DOP1B: variants seen among roughly 807,000 people sequenced by gnomAD.
The protein encoded by DOP1B is protein DOP1B.
Under a neutral mutation model 233.5 loss-of-function variants are expected in DOP1B, and 174 were observed. The observed-to-expected ratio is 0.75, with a 90% CI of 0.66 to 0.85. The LOEUF (loss-of-function observed/expected upper bound fraction) is 0.85. Among genes scored for constraint, DOP1B ranks in the 40% least tolerant of loss-of-function variants. The pLI is 0.00. For synonymous variants in DOP1B, 1,190 were observed against 1,185.6 expected, an observed-to-expected ratio of 1.00 and a Z score of -0.08; for missense variants, 2,652 against 2,846.6, an observed-to-expected ratio of 0.93 and a Z score of 1.56.
At position 36,232,907 on chromosome 21, in the gene DOP1B, G is replaced by T; in HGVS notation, c.2454G>T (p.Leu818=). The stretch of plus-strand genomic sequence containing the variant: ...AGAACGTGGCCATTTCCACTCTGCT[G>T]GAAGTGATAAACCATTCCCAGTCCC... ...YLQNVAISTL[L]EVINHSQSLA... Residue 818 remains leucine (L), a synonymous_variant, in exon 15 of 37, where the codon CTG becomes CTT. Transcript: ENST00000691173. 6.2e-7 allele frequency: 1 copy of T among 1,614,074 alleles called. No homozygotes were observed. Among genetic ancestry groups the T allele is most frequent in the South Asian group, 1.1e-5 (1 of 91,088 alleles).
chr21:36,169,655 T>G, intron 2 of DOP1B: 1 of 909,970 alleles, frequency 1.1e-6, no homozygotes, highest in Non-Finnish European at 1.8e-6. Flanking sequence ...CTGGGCCTTC[T>G]TCTGGCGCAG....
chr21:36,214,622 A>G (rs2066539751), intron 9 of DOP1B, 66 bp downstream of exon 9: 2 of 1,340,822 alleles, frequency 1.5e-6, no homozygotes, highest in Non-Finnish European at 2.1e-6. Context: ...GGGAAATACA[A>G]CATGGTGAGA....
intron 13 of DOP1B, among the ~76,000 whole-genome samples, chr21:36,229,434 G>A (rs567204776): frequency 1.1e-4 from 17 of 152,190 alleles, no homozygotes; most frequent in Non-Finnish European, 1.9e-4. Context: ...TCACTTGGCT[G>A]TCAACCTGTG....
intron 9 of DOP1B, among the ~76,000 whole-genome samples, chr21:36,218,446 C>T (rs2066585667): frequency 6.6e-6 from 1 of 152,060 alleles, no homozygotes; most frequent in Admixed American, 6.6e-5. Flanking sequence ...TTGCTTGAAC[C>T]CGGGAGGCGG....
chr21:36,214,212 G>A, intron 8 of DOP1B, 22 bp downstream of exon 8: 2 of 1,580,404 alleles, frequency 1.3e-6, no homozygotes, highest in Non-Finnish European at 1.7e-6. Context: ...TTTCCGGAAA[G>A]TTCAGGGTAT....
chr21:36,283,391 C>T (rs1464739121), intron 32 of DOP1B, among the ~76,000 whole-genome samples: 4 of 151,432 alleles, frequency 2.6e-5, no homozygotes, highest in African/African-American at 9.7e-5. Flanking sequence ...CCGGAAAGAT[C>T]TTGTTTTAGT....
In DOP1B at chr21:36,208,822, C is replaced by T; in HGVS notation, c.599C>T (p.Ser200Leu). 11 of 1,604,780 alleles carry T rather than the reference C, an allele frequency of 6.9e-6. No individual in the cohort carries two copies. Among genetic ancestry groups the T allele is most frequent in the Non-Finnish European group, 9.4e-6 (11 of 1,175,522 alleles). Reference sequence around the variant, plus strand: ...AGCCCGTCCATCCGCCTCCCTGCCTCAGTCTTCGTGGTGGGCCACATCAAC... The same window carrying T: ...AGCCCGTCCATCCGCCTCCCTGCCTTAGTCTTCGTGGTGGGCCACATCAAC... ...LASPSIRLPA[S>L]VFVVGHINRD... The change falls in exon 5 of 37, where the codon TCA (serine) becomes TTA (leucine). Residue 200 changes from serine (S) to leucine (L), a missense_variant. Around this residue, in one of 3 missense-constraint regions of DOP1B, gnomAD observed 2,617 missense variants for 2,794.3 expected, o/e 0.94. Coordinates refer to ENST00000691173, the MANE Select transcript of DOP1B (RefSeq NM_001320714.2).
chr21:36,165,930 T>C (rs1468785505), intron 2 of DOP1B, among the ~76,000 whole-genome samples: 1 of 150,900 alleles, frequency 6.6e-6, no homozygotes, highest in Non-Finnish European at 1.5e-5. Context: ...TTGGCCAGGC[T>C]GGTCTCGAAC....
At chr21:36,207,499 GTTTTTTT>G (rs1164791099) in intron 4 of DOP1B, among the ~76,000 whole-genome samples, 2 of 89,622 alleles carry the variant, frequency 2.2e-5, no homozygotes, top group East Asian at 3.9e-4. Flanking sequence ...AGTTTTTTTT[GTTTTTTT>G]TTTTTTTTTT....
In DOP1B at chr21:36,246,371, A is replaced by G. The variant is rs967906443; in HGVS notation, c.4391A>G (p.Asn1464Ser). 1.2e-6 allele frequency: 2 copies of G among 1,613,362 alleles called. No individual in the cohort carries two copies. Among genetic ancestry groups the G allele is most frequent in the African/African-American group, 2.7e-5 (2 of 74,996 alleles). Reference protein sequence around the residue: ...HLGRAHEEAENQPDLSREWQR... With the variant: ...HLGRAHEEAESQPDLSREWQR... ...GGTCGGGCCCATGAGGAGGCGGAAA[A>G]CCAGCCCGACCTGTCCCGGGAGTGG... Residue 1464 changes from asparagine (N) to serine (S), a missense_variant, in exon 19 of 37, where the codon AAC (asparagine) becomes AGC (serine). Coordinates refer to ENST00000691173, the MANE Select transcript of DOP1B (RefSeq NM_001320714.2). This position sits in a 1 kb window ranked among gnomAD's most constrained non-coding sequence, Gnocchi z 5.1.
In DOP1B at chr21:36,246,440, A is replaced by G; in HGVS notation, c.4460A>G (p.Tyr1487Cys). Residue 1487 changes from tyrosine (Y) to cysteine (C), a missense_variant, in exon 19 of 37, where the codon TAC becomes TGC. Tyr to Cys is a radical substitution (Grantham distance 194, BLOSUM62 -2). Around this residue, in one of 3 missense-constraint regions of DOP1B, gnomAD observed 2,617 missense variants for 2,794.3 expected, o/e 0.94. Coordinates refer to ENST00000691173, the MANE Select transcript of DOP1B (RefSeq NM_001320714.2). The surrounding 1 kb of genome is among the most constrained non-coding windows in gnomAD (Gnocchi z 5.1). ...CAGCAGGCCATCAGCGCCCTGCAGT[A>G]CGTGCAGCCCCACCCCCTCACCTCC... ...NFQQAISALQ[Y>C]VQPHPLTSQG... 1 of 1,613,716 alleles carries G rather than the reference A, an allele frequency of 6.2e-7. No homozygotes were observed. The highest frequency in any genetic ancestry group is 8.5e-7 in the Non-Finnish European group (1 of 1,179,900).
At chr21:36,215,154 T>C (rs918479346) in intron 9 of DOP1B, among the ~76,000 whole-genome samples, 1 of 152,238 alleles carries the variant, frequency 6.6e-6, no homozygotes, top group South Asian at 2.1e-4. Flanking sequence ...ATTTTTTCAA[T>C]GTCATACTTA....
chr21:36,215,070 A>G (rs2066543821), intron 9 of DOP1B, among the ~76,000 whole-genome samples: 1 of 152,190 alleles, frequency 6.6e-6, no homozygotes, highest in African/African-American at 2.4e-5. Flanking sequence ...AATAATTTGA[A>G]CATTTTTTGT....
At chr21:36,259,445 G>T (rs2067144954) in intron 23 of DOP1B, among the ~76,000 whole-genome samples, 3 of 151,586 alleles carry the variant, frequency 2.0e-5, no homozygotes, top group Admixed American at 6.6e-5. Context: ...TAATTTTTTT[G>T]TATTTTTAGT....
At chr21:36,291,683 C>G (rs925851740) in intron 35 of DOP1B, among the ~76,000 whole-genome samples, 1 of 152,188 alleles carries the variant, frequency 6.6e-6, no homozygotes, top group Admixed American at 6.6e-5. Context: ...GTGACATATC[C>G]ATACAGTGGA....
chr21:36,195,444 G>C lies in DOP1B; in HGVS notation c.139-3626G>C, dbSNP rs111452068. On this transcript the variant is annotated intron_variant, in intron 2 of 36. Coordinates refer to ENST00000691173, the MANE Select transcript of DOP1B (RefSeq NM_001320714.2). ...GGCTACTCAGGAGACTGAGGTGGGAGGATTGCTTAAGCCTGGGAGTTAGAG... is the reference window on the plus strand; with the variant it reads ...GGCTACTCAGGAGACTGAGGTGGGACGATTGCTTAAGCCTGGGAGTTAGAG... Among the ~76,000 whole-genome samples, 1,440 of 147,764 alleles carry C rather than the reference G, an allele frequency of 9.7e-3. 17 individuals are homozygous for C. Among genetic ancestry groups the C allele is most frequent in the African/African-American group, 0.033 (1,369 of 41,298 alleles).
At chr21:36,224,823 T>C (rs1475854492) in intron 11 of DOP1B, among the ~76,000 whole-genome samples, 2 of 151,854 alleles carry the variant, frequency 1.3e-5, no homozygotes, top group African/African-American at 4.8e-5. Flanking sequence ...GCTGAAACTT[T>C]CTAGGCAACT....
In DOP1B at chr21:36,245,425, C is replaced by T. The variant is rs146069450; in HGVS notation, c.3445C>T (p.Pro1149Ser). The T allele has an allele frequency of 9.7e-4, 1,573 of 1,614,022 alleles. 3 individuals are homozygous for T. The highest frequency in any genetic ancestry group is 1.2e-3 in the Non-Finnish European group (1,456 of 1,180,020). Residue 1149 changes from proline (P) to serine (S), a missense_variant, in exon 19 of 37, where the codon CCC becomes TCC. By Grantham distance (74) the Pro-to-Ser change is moderately conservative (BLOSUM62 -1). Coordinates refer to ENST00000691173, the MANE Select transcript of DOP1B (RefSeq NM_001320714.2). This position sits in a 1 kb window ranked among gnomAD's most constrained non-coding sequence, Gnocchi z 5.5. ...CGAAGAGAACTGCTGTGCACCCATC[C>T]CCATGGGGGGCAGGGCGTACCCCAA... The part of the protein sequence containing the change: ...SNEENCCAPI[P>S]MGGRAYPKRS...
chr21:36,252,361 G>A (rs185980298), intron 22 of DOP1B, among the ~76,000 whole-genome samples: 5 of 150,440 alleles, frequency 3.3e-5, no homozygotes, highest in South Asian at 4.2e-4. Flanking sequence ...GGGAGGCTGA[G>A]ATGGAAGGAT....
Sources: allele counts gnomAD v4.1 joint callset (sites outside exome capture counted in the v4.1 genomes callset), GRCh38; gene constraint gnomAD v4.1.1; regional missense constraint gnomAD v4.1.1; non-coding constraint Gnocchi (gnomAD v3.1); transcripts MANE v1.5; gene names NCBI Gene and HGNC (gene_info 2026-07-23, HGNC 2026-07-21).